The following FBXO42 variants were observed in gnomAD, a reference collection of about 807,000 sequenced individuals.
FBXO42 encodes the protein F-box protein 42, also known as F-box only protein 42.
A neutral mutation model predicts 71.7 loss-of-function variants in FBXO42; 12 were observed. The observed-to-expected ratio is 0.17, with a 90% CI of 0.11 to 0.27. The LOEUF is 0.27. Among genes scored for constraint, FBXO42 ranks in the 10% least tolerant of loss-of-function variants. FBXO42 has a pLI of 1.00. For synonymous variants in FBXO42, 325 were observed against 327.5 expected, an observed-to-expected ratio of 0.99 and a Z score of 0.08; for missense variants, 707 against 911.9, an observed-to-expected ratio of 0.78 and a Z score of 2.89.
chr1:16,261,395 T>C (rs1416142813), intron 4 of FBXO42, among the ~76,000 whole-genome samples: 16 of 152,140 alleles, frequency 1.1e-4, no homozygotes, highest in Admixed American at 1.0e-3. Flanking sequence ...TCTTGACCTT[T>C]TAGAAAGGCA....
chr1:16,303,497 C>T (rs1214734451), intron 3 of FBXO42, among the ~76,000 whole-genome samples: 1 of 152,060 alleles, frequency 6.6e-6, no homozygotes, highest in African/African-American at 2.4e-5. Flanking sequence ...ATACTGTCCC[C>T]AGTTTTAGAG....
intron 4 of FBXO42, among the ~76,000 whole-genome samples, chr1:16,257,084 C>T (rs529423996): frequency 6.6e-6 from 1 of 152,250 alleles, no homozygotes; most frequent in South Asian, 2.1e-4. Context: ...ATATTCAAAG[C>T]ACCTAACATA....
intron 4 of FBXO42, among the ~76,000 whole-genome samples, chr1:16,289,562 C>T (rs1395742460): frequency 6.6e-6 from 1 of 152,160 alleles, no homozygotes; most frequent in Non-Finnish European, 1.5e-5. Context: ...TAGGCTACAT[C>T]CACAAAGGTC....
rs1488468444 is a variant in FBXO42, at chr1:16,305,884, C to A, written c.286G>T (p.Ala96Ser). Residue 96 changes from alanine (A) to serine (S), a missense_variant, in exon 3 of 10, where the codon GCT (alanine) becomes TCT (serine). Transcript: ENST00000375592. The stretch of plus-strand genomic sequence containing the variant: ...CACTGAATGTTTCCTTCCTGGACAG[C>A]CTTCATGAAACCATGATAACACTGA... ...AHQCYHGFMK[A>S]VQEGNIQWES... 2 of 1,614,082 alleles carry A rather than the reference C, an allele frequency of 1.2e-6. No individual in the cohort carries two copies. Among genetic ancestry groups the A allele is most frequent in the Non-Finnish European group, 1.7e-6 (2 of 1,179,990 alleles).
intron 4 of FBXO42, among the ~76,000 whole-genome samples, chr1:16,271,882 T>A (rs1320444820): frequency 1.3e-5 from 2 of 151,020 alleles, no homozygotes; most frequent in Admixed American, 1.3e-4. Context: ...CTCACACTTG[T>A]AATCTCAGCC....
intron 1 of FBXO42, among the ~76,000 whole-genome samples, chr1:16,316,381 A>C (rs1360258229): frequency 6.6e-6 from 1 of 152,020 alleles, no homozygotes; most frequent in African/African-American, 2.4e-5. Context: ...TTTAGAAACA[A>C]AAGACATCAT....
rs1242029876 is a variant in FBXO42, at chr1:16,301,670, C to CAAA, written c.367+4130_367+4132dup. Among the ~76,000 whole-genome samples the CAAA allele has an allele frequency of 4.0e-4, 27 of 67,362 alleles. 1 individual carries two copies. The highest frequency in any genetic ancestry group is 1.1e-3 in the African/African-American group (21 of 19,160). 44.2% of individuals were successfully genotyped at this position (67,362 alleles called of 152,430 possible). ...TGGGTGACAGAGTGAGACCCCATCT[C>CAAA]AAAAAAAAAAAAACAACAAAAAAAA... On this transcript the variant is annotated intron_variant, in intron 3 of 9. Transcript: ENST00000375592.
chr1:16,285,633 A>G (rs966882450), intron 4 of FBXO42, among the ~76,000 whole-genome samples: 1 of 152,042 alleles, frequency 6.6e-6, no homozygotes, highest in Non-Finnish European at 1.5e-5. Flanking sequence ...TCACCCCACA[A>G]GCTTTCTTTA....
intron 4 of FBXO42, among the ~76,000 whole-genome samples, chr1:16,285,929 G>A (rs1025249591): frequency 5.9e-5 from 9 of 152,116 alleles, no homozygotes; most frequent in East Asian, 3.9e-4. Flanking sequence ...GTGCAGTAGC[G>A]CAAACATGGG....
intron 1 of FBXO42, among the ~76,000 whole-genome samples, chr1:16,349,435 G>A (rs1217757566): frequency 6.6e-6 from 1 of 152,146 alleles, no homozygotes; most frequent in African/African-American, 2.4e-5. Flanking sequence ...TTCATAAATA[G>A]GAATAATCAA....
chr1:16,266,651 C>A (rs545932469), intron 4 of FBXO42, among the ~76,000 whole-genome samples: 2 of 152,008 alleles, frequency 1.3e-5, no homozygotes, highest in Admixed American at 1.3e-4. Flanking sequence ...CTCAAACTGG[C>A]GTGTGTATGG....
intron 3 of FBXO42, among the ~76,000 whole-genome samples, chr1:16,305,419 T>A (rs374855609): frequency 6.6e-6 from 1 of 151,996 alleles, no homozygotes; most frequent in African/African-American, 2.4e-5. Flanking sequence ...AAAAGTCGGA[T>A]AAAATACATG....
In FBXO42 at chr1:16,350,753, A is replaced by AGAAAGAAAGAAAGAAAG. The variant is rs1553156680; in HGVS notation, c.-18+1501_-18+1502insCTTTCTTTCTTTCTTTC. 4.5e-3 allele frequency among the ~76,000 whole-genome samples: 131 copies of AGAAAGAAAGAAAGAAAG among 28,846 alleles called. 5 individuals are homozygous for AGAAAGAAAGAAAGAAAG. The highest frequency in any genetic ancestry group is 0.021 in the Middle Eastern group (1 of 48). The allele number at this position is 28,846 out of a possible 152,430, so 18.9% of individuals were successfully genotyped here. On this transcript the variant is annotated intron_variant, in intron 1 of 9. Transcript: ENST00000375592. ...CAGAGTGAGAAACTGCAAAAAAAAA[A>AGAAAGAAAGAAAGAAAG]AAAAAAAGAAAGAAAGAAAGAAAGA...
chr1:16,275,099 A>G (rs2081886041), intron 4 of FBXO42, among the ~76,000 whole-genome samples: 1 of 152,140 alleles, frequency 6.6e-6, no homozygotes, highest in African/African-American at 2.4e-5. Context: ...ATAAAATGCA[A>G]CTACCCTGTA....
chr1:16,298,194 C>T (rs1228500392), intron 3 of FBXO42, among the ~76,000 whole-genome samples: 3 of 152,164 alleles, frequency 2.0e-5, no homozygotes, highest in Non-Finnish European at 4.4e-5. Flanking sequence ...CCACTGCACC[C>T]CAGCCTGGGC....
intron 3 of FBXO42, among the ~76,000 whole-genome samples, chr1:16,298,444 A>G (rs1207275596): frequency 6.6e-6 from 1 of 152,196 alleles, no homozygotes; most frequent in Admixed American, 6.6e-5. Flanking sequence ...TTGGCTCAGT[A>G]AAAGCACATT....
At chr1:16,264,375 A>C (rs1361782034) in intron 4 of FBXO42, among the ~76,000 whole-genome samples, 1 of 152,228 alleles carries the variant, frequency 6.6e-6, no homozygotes, top group Non-Finnish European at 1.5e-5. Context: ...GATGAAATAA[A>C]TACTGCTCCT....
chr1:16,296,723 T>C (rs913408971), intron 3 of FBXO42, among the ~76,000 whole-genome samples: 1 of 151,876 alleles, frequency 6.6e-6, no homozygotes, highest in Non-Finnish European at 1.5e-5. Flanking sequence ...TGTGCATGGC[T>C]TTAATGATCA....
chr1:16,273,388 C>T (rs1183189289), intron 4 of FBXO42, among the ~76,000 whole-genome samples: 1 of 152,114 alleles, frequency 6.6e-6, no homozygotes, highest in East Asian at 1.9e-4. Flanking sequence ...TTAGTTATAT[C>T]ATCAGATCTT....
Sources: gnomAD v4.1 joint callset for allele counts (sites outside exome capture counted in the v4.1 genomes callset) on GRCh38, gnomAD v4.1.1 for gene constraint, MANE v1.5 for transcripts, NCBI Gene and HGNC (gene_info 2026-07-23, HGNC 2026-07-21) for gene names.